The following ASTN1 variants were observed in gnomAD, a reference collection of about 807,000 sequenced individuals.
ASTN1 encodes astrotactin 1, also known as astrotactin-1.
In ASTN1, 41 loss-of-function variants were observed where a neutral mutation model predicts 140.7. That is an observed-to-expected ratio of 0.29 (90% CI 0.23 to 0.38). ASTN1 has a LOEUF of 0.38. Among genes scored for constraint, ASTN1 ranks in the 10% least tolerant of loss-of-function variants. The pLI is 1.00. For missense variants in ASTN1, 1,479 were observed against 1,678.8 expected, an observed-to-expected ratio of 0.88 and a Z score of 2.08; for synonymous variants, 640 against 652.2, an observed-to-expected ratio of 0.98 and a Z score of 0.29.
intron 1 of ASTN1, among the ~76,000 whole-genome samples, chr1:177,132,438 G>T (rs2102205533): frequency 6.6e-6 from 1 of 152,316 alleles, no homozygotes; most frequent in Admixed American, 6.5e-5. Flanking sequence ...AGGTAACTTT[G>T]TGATTCTGCA....
rs181934171 is a variant in ASTN1 at position 176,920,664 on chromosome 1, C to T, written c.2671+13488G>A. The stretch of plus-strand genomic sequence containing the variant: ...CTTACAACAGTTTTTCCTGCTTCTC[C>T]CATGGGTTCCGCTGAGGGCTCAGCC... On this transcript the variant is annotated intron_variant, in intron 16 of 22. Transcript: ENST00000361833. Among the ~76,000 whole-genome samples, 5 of 152,264 alleles carry T rather than the reference C, an allele frequency of 3.3e-5. No homozygotes were observed. In the East Asian group the frequency reaches 7.7e-4, roughly 24 times the overall value.
chr1:176,963,237 T>A (rs967495626), intron 9 of ASTN1, among the ~76,000 whole-genome samples: 5 of 152,170 alleles, frequency 3.3e-5, no homozygotes, highest in Non-Finnish European at 7.4e-5. Flanking sequence ...CAGAGAGATG[T>A]TCAGGAGCTT....
chr1:177,021,591 C>T (rs564224694), intron 7 of ASTN1, among the ~76,000 whole-genome samples: 7 of 152,256 alleles, frequency 4.6e-5, no homozygotes, highest in South Asian at 2.1e-4. Flanking sequence ...TTGGGCAAAT[C>T]GTGTAACTTC....
At chr1:177,046,175 G>A (rs1328377016) in intron 2 of ASTN1, among the ~76,000 whole-genome samples, 4 of 152,072 alleles carry the variant, frequency 2.6e-5, no homozygotes, top group Non-Finnish European at 5.9e-5. Flanking sequence ...GACCCCATTG[G>A]CACACTGAAG....
At chr1:176,893,210 C>T (rs1368327533) in intron 17 of ASTN1, among the ~76,000 whole-genome samples, 1 of 152,158 alleles carries the variant, frequency 6.6e-6, no homozygotes, top group Non-Finnish European at 1.5e-5. Context: ...TCTCTGATCC[C>T]ACTGCTCCCA....
At chr1:176,969,649 G>A (rs1466456894) in intron 8 of ASTN1, among the ~76,000 whole-genome samples, 1 of 152,190 alleles carries the variant, frequency 6.6e-6, no homozygotes, top group East Asian at 1.9e-4. Context: ...AGGCCATCGA[G>A]GAGCCCATGG....
intron 17 of ASTN1, among the ~76,000 whole-genome samples, chr1:176,893,010 AAAGGG>A (rs1669331837): frequency 6.6e-6 from 1 of 152,292 alleles, no homozygotes; most frequent in Admixed American, 6.5e-5. Flanking sequence ...GTGCAGGGAG[AAAGGG>A]AAGGGGCTGG....
intron 1 of ASTN1, among the ~76,000 whole-genome samples, chr1:177,136,337 T>G (rs1682195841): frequency 6.7e-6 from 1 of 149,526 alleles, no homozygotes; most frequent in African/African-American, 2.5e-5. Context: ...GTGTTTTTTG[T>G]TTTTTTATTT....
At chr1:177,030,980 C>T (rs779201249) in intron 3 of ASTN1, 28 bp from the exon 4 acceptor site, 2 of 1,593,996 alleles carry the variant, frequency 1.3e-6, no homozygotes, top group South Asian at 2.3e-5. Flanking sequence ...GAGGCAAAAA[C>T]TTTAAGAGAA....
chr1:176,993,695 C>G (rs1023383947), intron 8 of ASTN1, among the ~76,000 whole-genome samples: 2 of 152,158 alleles, frequency 1.3e-5, no homozygotes, highest in African/African-American at 4.8e-5. Flanking sequence ...CGCATTAGTA[C>G]TCTGGTAATC....
chr1:177,111,425 G>A (rs778320730), intron 1 of ASTN1, among the ~76,000 whole-genome samples: 7 of 148,908 alleles, frequency 4.7e-5, no homozygotes, highest in Non-Finnish European at 8.9e-5. Flanking sequence ...GATTCACCAG[G>A]TCTGGGGTGG....
At chr1:177,143,156 C>T (rs1223717484) in intron 1 of ASTN1, among the ~76,000 whole-genome samples, 1 of 152,142 alleles carries the variant, frequency 6.6e-6, no homozygotes. Context: ...CAGGCGACAG[C>T]GTGATTTACA....
At chr1:177,071,864 A>G (rs1197819102) in intron 1 of ASTN1, among the ~76,000 whole-genome samples, 2 of 152,200 alleles carry the variant, frequency 1.3e-5, no homozygotes, top group African/African-American at 4.8e-5. Context: ...TCAGCCTGAG[A>G]AAGTGGAGTG....
In ASTN1 at chr1:177,121,395, A is replaced by G. The variant is rs373621094; in HGVS notation, c.283+42999T>C. On this transcript the variant is annotated intron_variant, in intron 1 of 22. Transcript: ENST00000361833. Reference sequence around the variant, plus strand: ...GCAGGAAAAGGGCATTTCATGGGAGAAATGTGGCCCTTGACATCAGACAGA... The same window carrying G: ...GCAGGAAAAGGGCATTTCATGGGAGGAATGTGGCCCTTGACATCAGACAGA... Among the ~76,000 whole-genome samples the G allele has an allele frequency of 2.6e-5, 4 of 152,110 alleles. No individual in the cohort carries two copies. The South Asian group carries it at 8.3e-4, about 32-fold the overall frequency.
chr1:177,105,448 AC>A (rs1680504326), intron 1 of ASTN1, among the ~76,000 whole-genome samples: 1 of 152,096 alleles, frequency 6.6e-6, no homozygotes, highest in South Asian at 2.1e-4. Context: ...ATCATGGCCC[AC>A]TGTACTCTAC....
intron 16 of ASTN1, among the ~76,000 whole-genome samples, chr1:176,913,629 G>A (rs1051302351): frequency 2.0e-5 from 3 of 152,232 alleles, no homozygotes; most frequent in African/African-American, 7.2e-5. Flanking sequence ...AGCGATTATT[G>A]CTGGGGCAGG....
intron 14 of ASTN1, among the ~76,000 whole-genome samples, chr1:176,941,331 A>G (rs1396904903): frequency 1.3e-5 from 2 of 152,188 alleles, no homozygotes; most frequent in African/African-American, 4.8e-5. Flanking sequence ...AACTGGTACC[A>G]CTTCTTAACA....
At chr1:176,913,592 A>T (rs1468181695) in intron 16 of ASTN1, among the ~76,000 whole-genome samples, 1 of 152,260 alleles carries the variant, frequency 6.6e-6, no homozygotes, top group Admixed American at 6.5e-5. Context: ...TAAAAAACAA[A>T]CTTGGATTTA....
intron 16 of ASTN1, among the ~76,000 whole-genome samples, chr1:176,922,349 A>G (rs1241582285): frequency 6.6e-6 from 1 of 152,110 alleles, no homozygotes; most frequent in Non-Finnish European, 1.5e-5. Flanking sequence ...AAGCTGACAC[A>G]GCTGGGCACT....
Sources: gnomAD v4.1 joint callset for allele counts (sites outside exome capture counted in the v4.1 genomes callset) on GRCh38, gnomAD v4.1.1 for gene constraint, MANE v1.5 for transcripts, NCBI Gene and HGNC (gene_info 2026-07-23, HGNC 2026-07-21) for gene names.